OLAH: variants seen among roughly 807,000 people sequenced by gnomAD.
OLAH encodes the protein oleoyl-ACP hydrolase, also known as S-acyl fatty acid synthase thioesterase, medium chain.
In OLAH, 33 loss-of-function variants were observed where a neutral mutation model predicts 27.8. The observed-to-expected ratio is 1.19, with a 90% CI of 0.90 to 1.59. OLAH has a LOEUF of 1.59. OLAH is among the 40% of genes most tolerant of loss of function. The pLI is 0.00. For synonymous variants in OLAH, 120 were observed against 102.9 expected (o/e 1.17, Z -1.01); for missense variants, 359 against 310.8 (o/e 1.16, Z -1.17).
chr10:15,064,438 G>A lies in OLAH; in HGVS notation c.338G>A (p.Gly113Asp), dbSNP rs560117417. 6.2e-7 allele frequency: 1 copy of A among 1,601,328 alleles called. No individual in the cohort carries two copies. Among genetic ancestry groups the A allele is most frequent in the African/African-American group, 1.3e-5 (1 of 74,274 alleles). ...TACATTGCTTTTAGGACTGCACTAGGTCTAAAAGAAAACAATCAACCAGAA... is the reference window on the plus strand; with the variant it reads ...TACATTGCTTTTAGGACTGCACTAGATCTAAAAGAAAACAATCAACCAGAA... ...GSYIAFRTAL[G>D]LKENNQPEPL... is the part of the protein sequence containing the mutation. The change falls in exon 5 of 8, where the codon GGT becomes GAT. Residue 113 changes from glycine (G) to aspartate (D), a missense_variant. By Grantham distance (94) the Gly-to-Asp change is moderately conservative. Coordinates refer to ENST00000378228, the MANE Select transcript of OLAH (RefSeq NM_001039702.3).
chr10:15,049,716 C>T lies in OLAH; in HGVS notation c.114C>T (p.Gly38=). 6.2e-7 allele frequency: 1 copy of T among 1,610,566 alleles called. No homozygotes were observed. Among genetic ancestry groups the T allele is most frequent in the African/African-American group, 1.3e-5 (1 of 74,880 alleles). ...KLICFPWMGG[G]STHFAKWGQD... ...TTTGCTTTCCCTGGATGGGAGGTGG[C>T]TCCACTCATTTTGCCAAATGGGGCC... Residue 38 remains glycine (G), a synonymous_variant, in exon 3 of 8, where the codon GGC becomes GGT. Coordinates refer to ENST00000378228, the MANE Select transcript of OLAH (RefSeq NM_001039702.3).
chr10:15,053,533 T>C (rs190362277), intron 3 of OLAH, among the ~76,000 whole-genome samples: 108 of 152,236 alleles, frequency 7.1e-4, no homozygotes, highest in Middle Eastern at 3.4e-3. Context: ...CAGGCCACTG[T>C]GCATGCAGAG....
At chr10:15,050,648 C>G (rs934288290) in intron 3 of OLAH, among the ~76,000 whole-genome samples, 1 of 148,326 alleles carries the variant, frequency 6.7e-6, no homozygotes, top group South Asian at 2.1e-4. Flanking sequence ...TCACACCATT[C>G]TCCTGCCTCA....
rs757135545 is a variant in OLAH, at chr10:15,073,276, T to TG, written c.*47_*48insG. ...AAATAATCAAAGTAATATCATACTC[T>TG]TCTCAGTTATTCAGATATAGCTCAG... On this transcript the variant is annotated 3_prime_UTR_variant, in exon 8 of 8. Coordinates refer to ENST00000378228, the MANE Select transcript of OLAH (RefSeq NM_001039702.3). The TG allele has an allele frequency of 8.0e-7, 1 of 1,245,120 alleles. No individual in the cohort carries two copies. The highest frequency in any genetic ancestry group is 2.4e-5 in the East Asian group (1 of 42,292). The allele number at this position is 1,245,120 out of a possible 1,614,324, so 77.1% of individuals were successfully genotyped here.
intron 3 of OLAH, 98 bp from the exon 4 acceptor site, chr10:15,061,626 T>C (rs1418179013): frequency 2.5e-5 from 30 of 1,183,478 alleles, no homozygotes; most frequent in Non-Finnish European, 3.3e-5. Flanking sequence ...ATTCATTTCT[T>C]TGAAATTTTT....
chr10:15,061,418 A>G (rs373039608), intron 3 of OLAH, among the ~76,000 whole-genome samples: 2 of 152,010 alleles, frequency 1.3e-5, no homozygotes, highest in African/African-American at 2.4e-5. Context: ...TGATATAGGT[A>G]ACGGTTGTTG....
At position 15,073,214 on chromosome 10, in the gene OLAH, G is replaced by A. The variant is rs764088210; in HGVS notation, c.783G>A (p.Ser261=). 8.8e-6 allele frequency: 14 copies of A among 1,585,536 alleles called. No homozygotes were observed. Among genetic ancestry groups the A allele is most frequent in the African/African-American group, 6.8e-5 (5 of 73,598 alleles). The change falls in exon 8 of 8, where the codon TCG becomes TCA. Residue 261 remains serine (S), a synonymous_variant. Transcript: ENST00000378228. ...TAATCAAGTGTCTAGAAGTATCATC[G>A]ATATCCAATTTTTAGATATTTTCCC... The part of the protein sequence containing the change: ...NYIIKCLEVS[S]ISNF
chr10:15,034,556 C>G (rs971322368), intron 1 of OLAH, among the ~76,000 whole-genome samples: 4 of 152,202 alleles, frequency 2.6e-5, no homozygotes, highest in African/African-American at 9.6e-5. Flanking sequence ...GAGGCCTTCA[C>G]AGCAGGACCC....
intron 1 of OLAH, among the ~76,000 whole-genome samples, chr10:15,035,159 G>C (rs1156883538): frequency 6.6e-6 from 1 of 152,112 alleles, no homozygotes; most frequent in African/African-American, 2.4e-5. Context: ...GTGGTGAGTT[G>C]GGGAGAGGCA....
At chr10:15,032,954 C>A (rs1843782115) in intron 1 of OLAH, among the ~76,000 whole-genome samples, 2 of 152,112 alleles carry the variant, frequency 1.3e-5, no homozygotes. Flanking sequence ...CTCACTGCAA[C>A]CTCCACCTCC....
upstream of OLAH, among the ~76,000 whole-genome samples, chr10:15,042,902 C>T (rs1037149602): frequency 2.9e-5 from 4 of 136,236 alleles, no homozygotes; most frequent in African/African-American, 1.1e-4. Flanking sequence ...GCTCTGTCGC[C>T]CAGGCTGGAG....
intron 6 of OLAH, among the ~76,000 whole-genome samples, chr10:15,068,571 T>C (rs1350511316): frequency 1.3e-5 from 2 of 152,150 alleles, no homozygotes; most frequent in African/African-American, 4.8e-5. Flanking sequence ...TTTTTTGTAT[T>C]TTTAGTAGAG....
intron 2 of OLAH, among the ~76,000 whole-genome samples, chr10:15,048,342 C>T (rs1226806114): frequency 1.3e-5 from 2 of 152,128 alleles, no homozygotes; most frequent in African/African-American, 2.4e-5. Context: ...CTCAGCCTCC[C>T]GAGTAGCTGG....
At chr10:15,053,584 C>A (rs7083040) in intron 3 of OLAH, among the ~76,000 whole-genome samples, 65,476 of 151,936 alleles carry the variant, frequency 0.43, 14,262 homozygotes, top group South Asian at 0.56. Context: ...AGGGATGCAA[C>A]CCCCCGAAGC....
intron 5 of OLAH, 141 bp downstream of exon 5, chr10:15,064,643 C>G (rs1195680952): frequency 3.6e-6 from 2 of 557,226 alleles, no homozygotes; most frequent in Non-Finnish European, 6.1e-6. Flanking sequence ...GGTGCAAAAG[C>G]CATTGAGGTT....
chr10:15,061,792 T>A lies in OLAH; in HGVS notation c.232T>A (p.Leu78Ile). ...ACCTCTTGAAAATGACATCTCCCAG[T>A]TAGTTGATGAAGTTGTTTGTGCTCT... ...EEPLENDISQ[L>I]VDEVVCALQP... Residue 78 changes from leucine to isoleucine, a missense_variant, in exon 4 of 8, where the codon TTA (leucine) becomes ATA (isoleucine). Transcript: ENST00000378228. 2 of 1,613,892 alleles carry A rather than the reference T, an allele frequency of 1.2e-6. No individual in the cohort carries two copies. Among genetic ancestry groups the A allele is most frequent in the Non-Finnish European group, 1.7e-6 (2 of 1,179,884 alleles).
At chr10:15,072,065 C>A (rs746679013) in intron 7 of OLAH, among the ~76,000 whole-genome samples, 188 bp downstream of exon 7, 2 of 152,058 alleles carry the variant, frequency 1.3e-5, no homozygotes, top group Non-Finnish European at 2.9e-5. Flanking sequence ...TCCTGAGTAG[C>A]TGGGATTACA....
chr10:15,053,408 G>A (rs1235702349), intron 3 of OLAH, among the ~76,000 whole-genome samples: 1 of 152,152 alleles, frequency 6.6e-6, no homozygotes, highest in Non-Finnish European at 1.5e-5. Context: ...GAGGCAAAAT[G>A]GTGGTGTTTA....
At chr10:15,054,729 C>G (rs567965480) in intron 3 of OLAH, among the ~76,000 whole-genome samples, 1 of 152,278 alleles carries the variant, frequency 6.6e-6, no homozygotes, top group Non-Finnish European at 1.5e-5. Flanking sequence ...CAATACAGCA[C>G]TTTGCATCCA....
Sources: allele counts gnomAD v4.1 joint callset (sites outside exome capture counted in the v4.1 genomes callset), GRCh38; gene constraint gnomAD v4.1.1; transcripts MANE v1.5; gene names NCBI Gene and HGNC (gene_info 2026-07-23, HGNC 2026-07-21).